The following PTPRD variants were observed in gnomAD, a reference collection of about 807,000 sequenced individuals.
PTPRD encodes the protein receptor-type tyrosine-protein phosphatase delta.
In PTPRD, 34 loss-of-function variants were observed where a neutral mutation model predicts 214.5. That is an observed-to-expected ratio of 0.16 (90% CI 0.12 to 0.21). The LOEUF (loss-of-function observed/expected upper bound fraction) is 0.21, where lower values mean the gene tolerates loss of function less well. Among genes scored for constraint, PTPRD ranks in the 10% least tolerant of loss-of-function variants. The pLI, the probability that PTPRD is intolerant of heterozygous loss-of-function variation, is 1.00. For missense variants in PTPRD, 2,545 were observed against 2,398.7 expected (o/e 1.06, Z -1.27); for synonymous variants, 1,128 against 845.7 (o/e 1.33, Z -5.79).
chr9:8,617,826 G>C (rs761537106), intron 14 of PTPRD, among the ~76,000 whole-genome samples: 2 of 151,992 alleles, frequency 1.3e-5, no homozygotes, highest in Non-Finnish European at 2.9e-5. Context: ...TCTTGTAAAA[G>C]TTGCCATTGA....
chr9:8,643,942 C>T (rs1391737104), intron 12 of PTPRD, among the ~76,000 whole-genome samples: 1 of 152,180 alleles, frequency 6.6e-6, no homozygotes, highest in African/African-American at 2.4e-5. Context: ...AGTCTGAGTG[C>T]TGGGCTGTCA....
At chr9:10,594,070 T>C (rs971371140) in intron 2 of PTPRD, among the ~76,000 whole-genome samples, 5 of 152,016 alleles carry the variant, frequency 3.3e-5, no homozygotes, top group African/African-American at 1.2e-4. Flanking sequence ...TGTGCTTCCA[T>C]CTTTTCTACT....
chr9:10,305,774 A>T (rs1461735373), intron 3 of PTPRD, among the ~76,000 whole-genome samples: 1 of 152,176 alleles, frequency 6.6e-6, no homozygotes, highest in Non-Finnish European at 1.5e-5. Flanking sequence ...AGGAAACAAC[A>T]GATGCCGGAG....
chr9:8,542,830 G>A (rs1344194609), intron 14 of PTPRD, among the ~76,000 whole-genome samples: 1 of 152,178 alleles, frequency 6.6e-6, no homozygotes, highest in Non-Finnish European at 1.5e-5. Flanking sequence ...CACTACAGAC[G>A]CACCAGAAGT....
chr9:8,570,766 T>C (rs1006007608), intron 14 of PTPRD, among the ~76,000 whole-genome samples: 1 of 152,114 alleles, frequency 6.6e-6, no homozygotes, highest in South Asian at 2.1e-4. Context: ...GTATCATTCA[T>C]AATGGTGATG....
intron 11 of PTPRD, among the ~76,000 whole-genome samples, chr9:8,946,776 C>T (rs1287485358): frequency 6.6e-6 from 1 of 152,142 alleles, no homozygotes; most frequent in Non-Finnish European, 1.5e-5. Flanking sequence ...GTCTTCTCAT[C>T]CCTGTCTCTT....
At chr9:9,333,357 G>A (rs1411295088) in intron 9 of PTPRD, among the ~76,000 whole-genome samples, 5 of 151,388 alleles carry the variant, frequency 3.3e-5, no homozygotes, top group Non-Finnish European at 7.4e-5. Context: ...GGCACATGAG[G>A]AGGGGAGAGG....
intron 5 of PTPRD, among the ~76,000 whole-genome samples, chr9:9,891,253 G>A (rs2073218462): frequency 6.6e-6 from 1 of 152,024 alleles, no homozygotes; most frequent in Non-Finnish European, 1.5e-5. Flanking sequence ...GGGATGAGAT[G>A]GACTTTCAAA....
chr9:8,724,649 C>T (rs2098538429), intron 12 of PTPRD, among the ~76,000 whole-genome samples: 1 of 152,116 alleles, frequency 6.6e-6, no homozygotes, highest in Non-Finnish European at 1.5e-5. Context: ...CACCACTTAG[C>T]CAGGCTCATT....
rs1565557037 is a variant in PTPRD, at chr9:10,364,001, T to TTTTTTTG, written c.-599-22985_-599-22984insCAAAAAA. On this transcript the variant is annotated intron_variant, in intron 2 of 45. Transcript: ENST00000381196. ...CCTCCACATTTTCGGGTTTTTTTTT[T>TTTTTTTG]TTTTTTTTTTTTTTTTGAGATGGAG... Among the ~76,000 whole-genome samples, 5 of 123,308 alleles carry TTTTTTTG rather than the reference T, an allele frequency of 4.1e-5. 2 individuals carry two copies. The highest frequency in any genetic ancestry group is 1.6e-4 in the African/African-American group (5 of 32,250). The allele number at this position is 123,308 out of a possible 152,430, so 80.9% of individuals were successfully genotyped here.
chr9:9,538,252 T>G (rs1458302390), intron 8 of PTPRD, among the ~76,000 whole-genome samples: 1 of 151,970 alleles, frequency 6.6e-6, no homozygotes, highest in East Asian at 1.9e-4. Context: ...CCCTCACTAC[T>G]GTTGATAAAA....
intron 9 of PTPRD, among the ~76,000 whole-genome samples, chr9:9,379,445 T>C (rs7846973): frequency 0.027 from 4,159 of 151,936 alleles, 113 homozygotes; most frequent in African/African-American, 0.071. Context: ...TGTAGCTTTG[T>C]ATTAAGTGTT....
intron 2 of PTPRD, among the ~76,000 whole-genome samples, chr9:10,432,871 A>G: frequency 6.6e-6 from 1 of 151,742 alleles, no homozygotes; most frequent in East Asian, 1.9e-4. Context: ...ATACCTCATT[A>G]TTTTTGCTCA....
At chr9:9,681,107 A>G in intron 7 of PTPRD, among the ~76,000 whole-genome samples, 1 of 151,860 alleles carries the variant, frequency 6.6e-6, no homozygotes, top group East Asian at 1.9e-4. Flanking sequence ...TCAAATAAAT[A>G]TTTCTAAAAA....
At chr9:10,345,912 T>G (rs1382853350) in intron 2 of PTPRD, among the ~76,000 whole-genome samples, 1 of 152,176 alleles carries the variant, frequency 6.6e-6, no homozygotes, top group Admixed American at 6.5e-5. Context: ...CTCCACATCC[T>G]CTCCAGCATC....
intron 2 of PTPRD, among the ~76,000 whole-genome samples, chr9:10,514,139 G>T (rs550539450): frequency 6.6e-6 from 1 of 151,826 alleles, no homozygotes; most frequent in East Asian, 1.9e-4. Context: ...TTATAACTTG[G>T]ATAACATATT....
intron 2 of PTPRD, among the ~76,000 whole-genome samples, chr9:10,373,152 A>C (rs990913029): frequency 6.2e-4 from 94 of 151,668 alleles, no homozygotes; most frequent in African/African-American, 2.3e-3. Context: ...CTTAAAAAAA[A>C]AAAAAAAATT....
At chr9:8,673,894 CCT>C (rs1264784391) in intron 12 of PTPRD, among the ~76,000 whole-genome samples, 1 of 152,088 alleles carries the variant, frequency 6.6e-6, no homozygotes. Context: ...CAGCAGCACC[CCT>C]GACACCCACC....
At chr9:8,417,116 T>C (rs1589865578) in intron 35 of PTPRD, among the ~76,000 whole-genome samples, 3 of 152,118 alleles carry the variant, frequency 2.0e-5, no homozygotes, top group Non-Finnish European at 4.4e-5. Flanking sequence ...GATGCATTCA[T>C]CCCACAGTTG....
Sources: allele counts gnomAD v4.1 joint callset (sites outside exome capture counted in the v4.1 genomes callset), GRCh38; gene constraint gnomAD v4.1.1; transcripts MANE v1.5; gene names NCBI Gene and HGNC (gene_info 2026-07-23, HGNC 2026-07-21).